The following DLG2 variants were observed in gnomAD, a reference collection of about 807,000 sequenced individuals.
The protein encoded by DLG2 is discs large MAGUK scaffold protein 2.
Under a neutral mutation model 132.5 loss-of-function variants are expected in DLG2, and 45 were observed. The ratio of observed to expected loss-of-function variants is 0.34; its 90% CI spans 0.27 to 0.44. The LOEUF (loss-of-function observed/expected upper bound fraction) is 0.44, where lower values mean the gene tolerates loss of function less well. Ranked by LOEUF, DLG2 falls within the 20% of genes least tolerant of loss-of-function variation. The pLI, the probability that DLG2 is intolerant of heterozygous loss-of-function variation, is 1.00. For synonymous variants in DLG2, 424 were observed against 419.6 expected (o/e 1.01, Z -0.13); for missense variants, 1,045 against 1,196.9 (o/e 0.87, Z 1.87).
chr11:84,820,253 A>T (rs540581395), intron 6 of DLG2, among the ~76,000 whole-genome samples: 2 of 151,964 alleles, frequency 1.3e-5, no homozygotes, highest in East Asian at 3.9e-4. Flanking sequence ...GGCATGGAGC[A>T]ATACAATCTA....
At chr11:85,361,321 T>A (rs1299098014) in intron 3 of DLG2, among the ~76,000 whole-genome samples, 1 of 151,596 alleles carries the variant, frequency 6.6e-6, no homozygotes, top group Non-Finnish European at 1.5e-5. Context: ...TTTTTTTTTT[T>A]AATTTTTATA....
chr11:84,155,412 C>A (rs544707676), intron 9 of DLG2, among the ~76,000 whole-genome samples: 1 of 151,452 alleles, frequency 6.6e-6, no homozygotes, highest in African/African-American at 2.4e-5. Context: ...ATGATTTACT[C>A]GATATTTTGG....
chr11:85,070,113 T>C (rs1174376715), intron 6 of DLG2, among the ~76,000 whole-genome samples: 1 of 151,492 alleles, frequency 6.6e-6, no homozygotes, highest in Non-Finnish European at 1.5e-5. Context: ...TGAGAACACA[T>C]GGACACAGGA....
intron 7 of DLG2, among the ~76,000 whole-genome samples, chr11:84,432,333 C>A (rs141047197): frequency 0.016 from 2,433 of 152,192 alleles, 19 homozygotes; most frequent in Non-Finnish European, 0.022. Flanking sequence ...AGAAGAGGTA[C>A]AAGGTATGAT....
At position 84,266,165 on chromosome 11, in the gene DLG2, C is replaced by A. The variant is rs979874541; in HGVS notation, c.520-14874G>T. On this transcript the variant is annotated intron_variant, in intron 7 of 27. Coordinates refer to ENST00000376104, the MANE Select transcript of DLG2 (RefSeq NM_001142699.3). ...GGAATACAAAGAAGGCACCCTGCAC[C>A]TGGTGTTAGTTTTTCGTGGCCTCCA... Among the ~76,000 whole-genome samples the A allele has an allele frequency of 2.9e-4, 44 of 152,154 alleles. 1 individual carries two copies. The highest frequency in any genetic ancestry group is 7.9e-4 in the Admixed American group (12 of 15,260).
intron 5 of DLG2, among the ~76,000 whole-genome samples, chr11:85,117,121 T>C (rs2073719018): frequency 6.6e-6 from 1 of 152,002 alleles, no homozygotes; most frequent in African/African-American, 2.4e-5. Flanking sequence ...AAAGATTCAT[T>C]CTGGAGCCAT....
chr11:85,141,463 T>TTCC (rs1789075702), intron 5 of DLG2, among the ~76,000 whole-genome samples: 1 of 151,880 alleles, frequency 6.6e-6, no homozygotes, highest in African/African-American at 2.4e-5. Context: ...ATATTAGGGT[T>TTCC]ATTAATCTAT....
chr11:85,176,017 T>A (rs2079214110), intron 4 of DLG2, among the ~76,000 whole-genome samples: 1 of 152,156 alleles, frequency 6.6e-6, no homozygotes, highest in Non-Finnish European at 1.5e-5. Context: ...AGAATCAATA[T>A]CGTGAAAATG....
At chr11:84,153,022 T>C (rs955198215) in intron 9 of DLG2, among the ~76,000 whole-genome samples, 8 of 152,220 alleles carry the variant, frequency 5.3e-5, no homozygotes, top group Non-Finnish European at 8.8e-5. Flanking sequence ...CAAGGACCTC[T>C]TGTATGGCTG....
intron 6 of DLG2, among the ~76,000 whole-genome samples, chr11:84,997,935 T>C (rs975994348): frequency 3.3e-5 from 5 of 152,174 alleles, no homozygotes; most frequent in African/African-American, 1.2e-4. Flanking sequence ...CCAAATCCAG[T>C]TGCTGCTCTA....
intron 6 of DLG2, among the ~76,000 whole-genome samples, chr11:84,578,543 G>A (rs2099508832): frequency 6.6e-6 from 1 of 152,146 alleles, no homozygotes; most frequent in Admixed American, 6.5e-5. Context: ...GGATTTGCAT[G>A]GGCCCTGTAA....
chr11:84,631,071 T>C (rs950909217), intron 6 of DLG2, among the ~76,000 whole-genome samples: 1 of 134,956 alleles, frequency 7.4e-6, no homozygotes, highest in African/African-American at 2.9e-5. Context: ...AACCACGTTT[T>C]GTTTCTACTG....
chr11:84,665,768 T>G (rs1424248622), intron 6 of DLG2, among the ~76,000 whole-genome samples: 1 of 152,280 alleles, frequency 6.6e-6, no homozygotes, highest in Admixed American at 6.5e-5. Context: ...ATTTCACTTA[T>G]TTTTAAATTT....
intron 3 of DLG2, among the ~76,000 whole-genome samples, chr11:85,444,396 T>C (rs1256218110): frequency 6.6e-6 from 1 of 152,168 alleles, no homozygotes; most frequent in East Asian, 1.9e-4. Context: ...ACAGGCAGTA[T>C]GTAAAGAGTG....
intron 3 of DLG2, among the ~76,000 whole-genome samples, chr11:85,565,717 C>T (rs536722510): frequency 6.6e-6 from 1 of 152,060 alleles, no homozygotes; most frequent in Non-Finnish European, 1.5e-5. Flanking sequence ...ATGGGTACTC[C>T]ACTGTGAAAA....
intron 7 of DLG2, among the ~76,000 whole-genome samples, chr11:84,386,247 A>G (rs2098769740): frequency 6.6e-6 from 1 of 152,042 alleles, no homozygotes; most frequent in Non-Finnish European, 1.5e-5. Context: ...GTATACCTCT[A>G]ATTTTTTATT....
intron 19 of DLG2, among the ~76,000 whole-genome samples, chr11:83,546,054 A>G (rs759228717): frequency 4.6e-5 from 7 of 152,154 alleles, no homozygotes; most frequent in Non-Finnish European, 7.4e-5. Flanking sequence ...AGAATTGGAC[A>G]TGAATAATGT....
chr11:84,982,466 A>C (rs951271132), intron 6 of DLG2, among the ~76,000 whole-genome samples: 14 of 152,102 alleles, frequency 9.2e-5, no homozygotes, highest in Non-Finnish European at 1.9e-4. Context: ...TGCCCCATAC[A>C]TCAACAGTTT....
At chr11:83,923,554 T>C (rs779598709) in intron 15 of DLG2, among the ~76,000 whole-genome samples, 3 of 151,952 alleles carry the variant, frequency 2.0e-5, no homozygotes, top group Non-Finnish European at 4.4e-5. Flanking sequence ...TTCTAAAGAG[T>C]TTTATGTTTA....
Sources: allele counts gnomAD v4.1 joint callset (sites outside exome capture counted in the v4.1 genomes callset), GRCh38; gene constraint gnomAD v4.1.1; transcripts MANE v1.5; gene names NCBI Gene and HGNC (gene_info 2026-07-23, HGNC 2026-07-21).